LRRTM4: variants seen among roughly 807,000 people sequenced by gnomAD.
The protein encoded by LRRTM4 is leucine-rich repeat transmembrane neuronal protein 4.
Under a neutral mutation model 47.6 loss-of-function variants are expected in LRRTM4, and 25 were observed. The ratio of observed to expected loss-of-function variants is 0.53; its 90% CI spans 0.38 to 0.73. The LOEUF is 0.73. Ranked by LOEUF, LRRTM4 falls within the 30% of genes least tolerant of loss-of-function variation. The pLI is 0.00. For missense variants in LRRTM4, 638 were observed against 713.4 expected (o/e 0.89, Z 1.20); for synonymous variants, 311 against 269.5 (o/e 1.15, Z -1.51).
intron 3 of LRRTM4, among the ~76,000 whole-genome samples, chr2:76,797,895 C>A (rs1197972393): frequency 6.6e-6 from 1 of 151,448 alleles, no homozygotes; most frequent in Non-Finnish European, 1.5e-5. Flanking sequence ...GTAAAGGGAT[C>A]AATTCAACAA....
At chr2:77,389,445 A>G (rs576324319) in intron 3 of LRRTM4, among the ~76,000 whole-genome samples, 1 of 152,230 alleles carries the variant, frequency 6.6e-6, no homozygotes, top group African/African-American at 2.4e-5. Flanking sequence ...TAAAAAGACA[A>G]AAGTAACTAG....
rs540036032 is a variant in LRRTM4, at chr2:77,108,732, C to T, written c.1552-359816G>A. On this transcript the variant is annotated intron_variant, in intron 3 of 3. Coordinates refer to ENST00000409884, the MANE Select transcript of LRRTM4 (RefSeq NM_001134745.3). ...CCAAGTAGCTGGGACTACAGGCGCC[C>T]GCCACCACGCCCGGCTAATTTTTTG... Among the ~76,000 whole-genome samples, 14 of 151,734 alleles carry T rather than the reference C, an allele frequency of 9.2e-5. No individual in the cohort carries two copies. The South Asian group carries it at 2.1e-3, about 23-fold the overall frequency.
chr2:77,487,765 G>A (rs1413780337), intron 3 of LRRTM4, among the ~76,000 whole-genome samples: 1 of 152,046 alleles, frequency 6.6e-6, no homozygotes, highest in African/African-American at 2.4e-5. Context: ...CTTTTTCCAG[G>A]CCCACCTATG....
intron 3 of LRRTM4, among the ~76,000 whole-genome samples, chr2:76,817,434 G>A (rs143036745): frequency 6.6e-6 from 1 of 151,966 alleles, no homozygotes; most frequent in African/African-American, 2.4e-5. Context: ...GTAGGAGATA[G>A]AGCAATGAAC....
At chr2:77,213,390 T>C (rs1444339734) in intron 3 of LRRTM4, among the ~76,000 whole-genome samples, 2 of 152,108 alleles carry the variant, frequency 1.3e-5, no homozygotes, top group Non-Finnish European at 2.9e-5. Context: ...ACTTAACCCC[T>C]ATGGGCCTTA....
At chr2:77,115,091 C>T (rs757776223) in intron 3 of LRRTM4, among the ~76,000 whole-genome samples, 3 of 152,226 alleles carry the variant, frequency 2.0e-5, no homozygotes, top group Non-Finnish European at 4.4e-5. Flanking sequence ...GAGCAGCCGT[C>T]TATAGACCTA....
intron 3 of LRRTM4, among the ~76,000 whole-genome samples, chr2:77,465,782 A>C (rs1277370727): frequency 6.6e-6 from 1 of 152,160 alleles, no homozygotes; most frequent in Non-Finnish European, 1.5e-5. Flanking sequence ...ATGGTTGCAA[A>C]GTTACAGTTT....
chr2:76,810,306 C>G (rs1044438411), intron 3 of LRRTM4, among the ~76,000 whole-genome samples: 2 of 152,162 alleles, frequency 1.3e-5, no homozygotes, highest in East Asian at 3.9e-4. Flanking sequence ...AAAATTTGAA[C>G]ATTTTCTAAG....
In LRRTM4 at chr2:77,440,107, A is replaced by C. The variant is rs1675775587; in HGVS notation, c.1551+78211T>G. On this transcript the variant is annotated intron_variant, in intron 3 of 3. Transcript: ENST00000409884. ...AATTGAGTAACCTACGAGTAGGCCA[A>C]AGAATGTATTAAAAACCGTGTGTGA... Among the ~76,000 whole-genome samples, 7 of 152,076 alleles carry C rather than the reference A, an allele frequency of 4.6e-5. No individual in the cohort carries two copies. The South Asian group carries it at 1.5e-3, about 32-fold the overall frequency.
At chr2:76,785,071 A>G (rs1207047019) in intron 3 of LRRTM4, among the ~76,000 whole-genome samples, 1 of 152,132 alleles carries the variant, frequency 6.6e-6, no homozygotes, top group Non-Finnish European at 1.5e-5. Context: ...TCTAGTCTGC[A>G]ATAAACTATT....
intron 3 of LRRTM4, among the ~76,000 whole-genome samples, chr2:77,398,928 G>T (rs1290739904): frequency 6.6e-6 from 1 of 151,678 alleles, no homozygotes; most frequent in Non-Finnish European, 1.5e-5. Context: ...GTTGAATGAA[G>T]GTTGACAGGT....
intron 3 of LRRTM4, among the ~76,000 whole-genome samples, chr2:77,427,704 G>A (rs1023811221): frequency 6.6e-6 from 1 of 152,148 alleles, no homozygotes; most frequent in African/African-American, 2.4e-5. Flanking sequence ...AAGAATATGG[G>A]AGAACACTGT....
At chr2:77,167,606 G>A (rs1344437639) in intron 3 of LRRTM4, among the ~76,000 whole-genome samples, 3 of 152,132 alleles carry the variant, frequency 2.0e-5, no homozygotes, top group East Asian at 1.9e-4. Context: ...TATACACCAC[G>A]GAATACTATG....
In LRRTM4 at chr2:77,509,156, C is replaced by T. The variant is rs1415256564; in HGVS notation, c.1551+9162G>A. Among the ~76,000 whole-genome samples the T allele has an allele frequency of 9.4e-5, 14 of 149,322 alleles. No individual in the cohort carries two copies. The East Asian group carries it at 1.0e-3, about 11-fold the overall frequency. On this transcript the variant is annotated intron_variant, in intron 3 of 3. Coordinates refer to ENST00000409884, the MANE Select transcript of LRRTM4 (RefSeq NM_001134745.3). ...CTGAGGCAGGAGAATCGCTTGAACC[C>T]GGGAGGTGGAGGTTGCAGTGAGCTG...
intron 3 of LRRTM4, among the ~76,000 whole-genome samples, chr2:77,374,940 C>A (rs1558713914): frequency 6.6e-6 from 1 of 151,640 alleles, no homozygotes; most frequent in Non-Finnish European, 1.5e-5. Context: ...AATTATTGAA[C>A]AATCCTACTA....
intron 3 of LRRTM4, among the ~76,000 whole-genome samples, chr2:76,942,676 C>CAGAG (rs140227592): frequency 1.3e-5 from 2 of 148,208 alleles, no homozygotes; most frequent in Non-Finnish European, 3.0e-5. Flanking sequence ...CTCTAGGAAT[C>CAGAG]TGTGTGTGTG....
intron 3 of LRRTM4, among the ~76,000 whole-genome samples, chr2:77,218,382 A>T (rs1674518352): frequency 6.6e-6 from 1 of 151,536 alleles, no homozygotes; most frequent in Non-Finnish European, 1.5e-5. Flanking sequence ...GACTTTTTTT[A>T]TCTTTGATGC....
chr2:76,934,625 T>C (rs1674880247), intron 3 of LRRTM4, among the ~76,000 whole-genome samples: 1 of 152,180 alleles, frequency 6.6e-6, no homozygotes, highest in Non-Finnish European at 1.5e-5. Flanking sequence ...AATTTCAAGG[T>C]ATCAGTACGA....
chr2:76,767,515 A>G (rs774885984), intron 3 of LRRTM4, among the ~76,000 whole-genome samples: 30 of 152,292 alleles, frequency 2.0e-4, no homozygotes, highest in East Asian at 1.9e-3. Context: ...CTTGTGCTCA[A>G]ATACTATCTC....
Sources: allele counts gnomAD v4.1 joint callset (sites outside exome capture counted in the v4.1 genomes callset), GRCh38; gene constraint gnomAD v4.1.1; transcripts MANE v1.5; gene names NCBI Gene and HGNC (gene_info 2026-07-23, HGNC 2026-07-21).